The following GPC6 variants were observed in gnomAD, a reference collection of about 807,000 sequenced individuals.
GPC6 encodes glypican-6.
In GPC6, 14 loss-of-function variants were observed where a neutral mutation model predicts 55.2. That is an observed-to-expected ratio of 0.25 (90% CI 0.17 to 0.40). The LOEUF is 0.40. Ranked by LOEUF, GPC6 falls within the 10% of genes least tolerant of loss-of-function variation. GPC6 has a pLI of 1.00. For synonymous variants in GPC6, 278 were observed against 259.6 expected (o/e 1.07, Z -0.68); for missense variants, 641 against 708.5 (o/e 0.90, Z 1.08).
chr13:93,748,409 A>C (rs1050842325), intron 2 of GPC6, among the ~76,000 whole-genome samples: 2 of 149,192 alleles, frequency 1.3e-5, no homozygotes, highest in Admixed American at 6.6e-5. Flanking sequence ...TGCTTTTTTT[A>C]TTTTTGTGTG....
chr13:93,810,023 A>G (rs1329962021), intron 2 of GPC6, among the ~76,000 whole-genome samples: 1 of 152,102 alleles, frequency 6.6e-6, no homozygotes, highest in African/African-American at 2.4e-5. Flanking sequence ...TCAGACACCC[A>G]TCCAAAAAAC....
At chr13:93,781,647 T>G (rs562177252) in intron 2 of GPC6, among the ~76,000 whole-genome samples, 1 of 152,258 alleles carries the variant, frequency 6.6e-6, no homozygotes, top group South Asian at 2.1e-4. Flanking sequence ...TTCCACAGAT[T>G]AAGATAATGT....
Position 93,719,911 on chromosome 13 carries a change from C to G in GPC6, c.320-110243C>G, listed in dbSNP as rs544041215. Among the ~76,000 whole-genome samples the G allele has an allele frequency of 4.1e-4, 63 of 152,184 alleles. 2 individuals carry two copies. The South Asian group carries it at 0.012, about 30-fold the overall frequency. On this transcript the variant is annotated intron_variant, in intron 2 of 8. Transcript: ENST00000377047. Reference sequence around the variant, plus strand: ...TATTGATTTGCATATGTTGAACCAGCCTTGCATCCCAGGGATGAAGCCGAC... The same window carrying G: ...TATTGATTTGCATATGTTGAACCAGGCTTGCATCCCAGGGATGAAGCCGAC...
intron 2 of GPC6, among the ~76,000 whole-genome samples, chr13:93,778,573 A>T (rs530240028): frequency 2.0e-5 from 3 of 152,318 alleles, no homozygotes; most frequent in African/African-American, 7.2e-5. Flanking sequence ...GCACTTGCTT[A>T]GATACGGCCT....
At position 94,232,758 on chromosome 13, in the gene GPC6, G is replaced by A. The variant is rs546312190; in HGVS notation, c.878-53591G>A. Among the ~76,000 whole-genome samples the A allele has an allele frequency of 3.3e-4, 50 of 152,186 alleles. 1 individual carries two copies. The highest frequency in any genetic ancestry group is 1.1e-3 in the African/African-American group (47 of 41,528). Reference sequence around the variant, plus strand: ...TGTTCCAGAAACCTTGGAAACAGGAGGCTGGAAGAACATCCGTGAGTTTTT... The same window carrying A: ...TGTTCCAGAAACCTTGGAAACAGGAAGCTGGAAGAACATCCGTGAGTTTTT... On this transcript the variant is annotated intron_variant, in intron 4 of 8. Transcript: ENST00000377047.
At chr13:93,402,349 T>G (rs1179863389) in intron 1 of GPC6, among the ~76,000 whole-genome samples, 1 of 152,090 alleles carries the variant, frequency 6.6e-6, no homozygotes, top group Non-Finnish European at 1.5e-5. Context: ...CAAACAAAAC[T>G]CAGTGTTTGT....
intron 4 of GPC6, among the ~76,000 whole-genome samples, chr13:94,075,603 T>C (rs1279612975): frequency 6.6e-6 from 1 of 152,094 alleles, no homozygotes; most frequent in Admixed American, 6.6e-5. Context: ...GAAGAACAAC[T>C]CCCCAATTTC....
chr13:93,359,987 T>G (rs1222065227), intron 1 of GPC6, among the ~76,000 whole-genome samples: 1 of 152,174 alleles, frequency 6.6e-6, no homozygotes, highest in African/African-American at 2.4e-5. Flanking sequence ...AAACATGGAA[T>G]TTTTACTCTT....
chr13:94,402,875 A>G (rs1566763577), intron 8 of GPC6, 140 bp from the exon 9 acceptor site: 1 of 774,414 alleles, frequency 1.3e-6, no homozygotes. Flanking sequence ...AACCACCACC[A>G]TGATTGAATT....
At chr13:93,575,789 A>C (rs1228742112) in intron 2 of GPC6, among the ~76,000 whole-genome samples, 1 of 152,170 alleles carries the variant, frequency 6.6e-6, no homozygotes, top group Non-Finnish European at 1.5e-5. Context: ...GCAGAATAAA[A>C]TTTAAAAATC....
intron 2 of GPC6, among the ~76,000 whole-genome samples, chr13:93,760,241 C>A (rs1884914097): frequency 6.6e-6 from 1 of 152,134 alleles, no homozygotes; most frequent in African/African-American, 2.4e-5. Flanking sequence ...AGCAATGGCA[C>A]CAAGCCACTG....
At chr13:94,133,981 A>G (rs114477130) in intron 4 of GPC6, among the ~76,000 whole-genome samples, 1,630 of 152,294 alleles carry the variant, frequency 0.011, 30 homozygotes, top group African/African-American at 0.037. Context: ...TAGGACATTA[A>G]TCATCAGTTG....
intron 4 of GPC6, among the ~76,000 whole-genome samples, chr13:94,273,270 C>G (rs1394355871): frequency 2.0e-5 from 3 of 152,094 alleles, no homozygotes; most frequent in African/African-American, 7.2e-5. Flanking sequence ...TATGATCATG[C>G]CTCTCTCCAT....
Position 93,991,888 on chromosome 13 carries a change from A to G in GPC6, c.712-35841A>G, listed in dbSNP as rs969009564. ...TAGAATTGACATGTTTTTTAATTTC[A>G]TAAGTCTGAAGATTTTAAAAACATT... On this transcript the variant is annotated intron_variant, in intron 3 of 8. Transcript: ENST00000377047. Among the ~76,000 whole-genome samples, 4 of 152,294 alleles carry G rather than the reference A, an allele frequency of 2.6e-5. No homozygotes were observed. The East Asian group carries it at 5.8e-4, about 22-fold the overall frequency.
intron 4 of GPC6, among the ~76,000 whole-genome samples, chr13:94,132,709 A>T (rs1164293805): frequency 2.0e-5 from 3 of 152,192 alleles, no homozygotes; most frequent in Admixed American, 6.5e-5. Flanking sequence ...CACAGCATTT[A>T]ACTGGCATGA....
intron 1 of GPC6, among the ~76,000 whole-genome samples, chr13:93,393,779 C>T (rs1875741488): frequency 6.6e-6 from 1 of 152,082 alleles, no homozygotes; most frequent in Admixed American, 6.6e-5. Flanking sequence ...ATTCAAGACC[C>T]CATGATATAC....
chr13:93,495,603 C>A (rs1386566163), intron 1 of GPC6, among the ~76,000 whole-genome samples: 6 of 109,506 alleles, frequency 5.5e-5, no homozygotes, highest in East Asian at 5.3e-4. Context: ...AGGTGCTCTG[C>A]TTTTTAGAGT....
intron 4 of GPC6, among the ~76,000 whole-genome samples, chr13:94,050,615 T>G (rs2138752706): frequency 6.6e-6 from 1 of 152,282 alleles, no homozygotes; most frequent in East Asian, 1.9e-4. Context: ...ACGTTATTGC[T>G]AGACTCAGAC....
intron 1 of GPC6, among the ~76,000 whole-genome samples, chr13:93,321,831 C>T (rs1208732494): frequency 1.3e-5 from 2 of 152,096 alleles, no homozygotes; most frequent in Admixed American, 1.3e-4. Context: ...GAATTCTCAG[C>T]CCATTTCAAC....
Sources: allele counts gnomAD v4.1 joint callset (sites outside exome capture counted in the v4.1 genomes callset), GRCh38; gene constraint gnomAD v4.1.1; transcripts MANE v1.5; gene names NCBI Gene and HGNC (gene_info 2026-07-23, HGNC 2026-07-21).